Variants in GPT2 observed in about 807,000 individuals in gnomAD.
GPT2 encodes the protein alanine aminotransferase 2.
In GPT2, 30 loss-of-function variants were observed where a neutral mutation model predicts 56.9. The observed-to-expected ratio is 0.53, with a 90% confidence interval of 0.39 to 0.72. GPT2 has a LOEUF of 0.72. Among genes scored for constraint, GPT2 ranks in the 30% least tolerant of loss-of-function variants. The probability of loss-of-function intolerance (pLI) is 0.00; values close to 1 mark genes in which losing one functional copy is unlikely to be tolerated. For synonymous variants in GPT2, 271 were observed against 283.1 expected (o/e 0.96, Z 0.43); for missense variants, 542 against 703.4 (o/e 0.77, Z 2.60).
rs4039999 is a variant in GPT2, at chr16:46,910,380, C to CAAAAAAAA, written c.820+474_820+481dup. On this transcript the variant is annotated intron_variant, in intron 6 of 11. Coordinates refer to ENST00000340124, the MANE Select transcript of GPT2 (RefSeq NM_133443.4). ...TGGGTGACAGAGCGAGACTCTGTCTCAAAAAAAAAAAAAAAAAAAAAAAAA... is the reference window on the plus strand; with the variant it reads ...TGGGTGACAGAGCGAGACTCTGTCTCAAAAAAAAAAAAAAAAAAAAAAAAAAAAAAAAA... 1.6e-3 allele frequency among the ~76,000 whole-genome samples: 74 copies of CAAAAAAAA among 46,478 alleles called. 5 individuals carry two copies. The highest frequency in any genetic ancestry group is 7.2e-3 in the African/African-American group (69 of 9,546). 30.5% of individuals were successfully genotyped at this position (46,478 alleles called of 152,430 possible).
Position 46,906,878 on chromosome 16 carries a change from G to A in GPT2, c.479G>A (p.Arg160His), listed in dbSNP as rs1318112700. The A allele has an allele frequency of 8.7e-6, 14 of 1,614,216 alleles. No individual in the cohort carries two copies. The highest frequency in any genetic ancestry group is 1.1e-5 in the Non-Finnish European group (13 of 1,180,022). ...GCTAGCCAGGGTGTCAACTGCATCC[G>A]TGAAGATGTGGCTGCCTACATCACC... is the stretch of plus-strand genomic sequence containing the variant. ...YSASQGVNCIREDVAAYITRR... is the reference protein window; with the variant it reads ...YSASQGVNCIHEDVAAYITRR... The change falls in exon 5 of 12, where the codon CGT (arginine) becomes CAT (histidine). Residue 160 changes from arginine to histidine, a missense_variant. By Grantham distance (29) the Arg-to-His change is conservative. Coordinates refer to ENST00000340124, the MANE Select transcript of GPT2 (RefSeq NM_133443.4).
chr16:46,891,096 C>T (rs1960576025), intron 2 of GPT2, among the ~76,000 whole-genome samples: 1 of 152,050 alleles, frequency 6.6e-6, no homozygotes, highest in Admixed American at 6.6e-5. Flanking sequence ...GGGTCTCGAC[C>T]TCCCAACCTC....
chr16:46,915,820 C>G (rs1961144211), intron 6 of GPT2: 1 of 150,758 alleles, frequency 6.6e-6, no homozygotes, highest in African/African-American at 2.4e-5. Flanking sequence ...CACACACACC[C>G]CCATCACACC....
chr16:46,889,450 C>G (rs895137336), intron 2 of GPT2, among the ~76,000 whole-genome samples: 1 of 151,680 alleles, frequency 6.6e-6, no homozygotes, highest in Admixed American at 6.6e-5. Flanking sequence ...GATGGGATCT[C>G]GCTTATGTTG....
chr16:46,907,103 C>G, intron 5 of GPT2, 128 bp downstream of exon 5: 1 of 1,240,212 alleles, frequency 8.1e-7, no homozygotes, highest in Non-Finnish European at 1.1e-6. Flanking sequence ...CCTCTGGTCC[C>G]CCAGCCCTGG....
At chr16:46,926,186 C>T (rs1213718608) in intron 10 of GPT2, among the ~76,000 whole-genome samples, 1 of 150,486 alleles carries the variant, frequency 6.6e-6, no homozygotes, top group Non-Finnish European at 1.5e-5. Flanking sequence ...CGGTGGCTCA[C>T]GCCTGTAATC....
In GPT2 at chr16:46,900,821, G is replaced by A. The variant is rs776643513; in HGVS notation, c.442+31G>A. 10 of 1,582,908 alleles carry A rather than the reference G, an allele frequency of 6.3e-6. No individual in the cohort carries two copies. The East Asian group carries it at 6.7e-5, about 11-fold the overall frequency. On this transcript the variant is annotated intron_variant, in intron 4 of 11. Coordinates refer to ENST00000340124, the MANE Select transcript of GPT2 (RefSeq NM_133443.4). Reference sequence around the variant, plus strand: ...GCCCCAACTTGCCAGGCCCCTAGGCGTGAAATGAATGAGTGTTCCCAGGCG... The same window carrying A: ...GCCCCAACTTGCCAGGCCCCTAGGCATGAAATGAATGAGTGTTCCCAGGCG...
rs139236691 is a variant in GPT2, at chr16:46,887,434, C to T, written c.243+2476C>T. Among the ~76,000 whole-genome samples the T allele has an allele frequency of 4.7e-4, 71 of 152,224 alleles. 1 individual carries two copies. The East Asian group carries it at 0.012, about 26-fold the overall frequency. On this transcript the variant is annotated intron_variant, in intron 2 of 11. Transcript: ENST00000340124. Reference sequence around the variant, plus strand: ...AGTGAGCCGAGATGCACTCCAGCCTCGGCAACAGAGCTCAGAGCGAGACTC... The same window carrying T: ...AGTGAGCCGAGATGCACTCCAGCCTTGGCAACAGAGCTCAGAGCGAGACTC...
intron 9 of GPT2, chr16:46,924,185 C>A: frequency 1.5e-6 from 1 of 651,598 alleles, no homozygotes. Flanking sequence ...ACCACCCCAC[C>A]CACTCCGTCT....
At chr16:46,902,784 C>T (rs1172654124) in intron 4 of GPT2, among the ~76,000 whole-genome samples, 2 of 152,066 alleles carry the variant, frequency 1.3e-5, no homozygotes, top group Non-Finnish European at 2.9e-5. Context: ...CGCCACCACG[C>T]CTGGGTAATT....
At chr16:46,910,755 C>T (rs553017526) in intron 6 of GPT2, among the ~76,000 whole-genome samples, 12 of 152,204 alleles carry the variant, frequency 7.9e-5, no homozygotes, top group Non-Finnish European at 1.5e-4. Context: ...CCACCACGCC[C>T]AGCTAATATT....
rs767217716 is a variant in GPT2, at chr16:46,924,403, C to T, written c.1227C>T (p.Val409=). ...FEQFSREKES[V]LGNLAKKAKL... is the part of the protein sequence containing the mutation. ...TCTCTCATCAGGAGAAGGAGTCGGT[C>T]CTGGGTAATCTGGCCAAAAAAGCAA... The change falls in exon 10 of 12, where the codon GTC becomes GTT. Residue 409 remains valine, a synonymous_variant. Coordinates refer to ENST00000340124, the MANE Select transcript of GPT2 (RefSeq NM_133443.4). The T allele has an allele frequency of 3.1e-6, 5 of 1,614,232 alleles. No homozygotes were observed. The East Asian group carries it at 6.7e-5, about 22-fold the overall frequency.
rs755372408 is a variant in GPT2 at position 46,918,616 on chromosome 16, C to T, written c.901-5C>T. Reference sequence around the variant, plus strand: ...TTGGTGACCGTCCCTGCCGTGCCCCCGCAGGTGTACCAGGACAACGTGTAC... The same window carrying T: ...TTGGTGACCGTCCCTGCCGTGCCCCTGCAGGTGTACCAGGACAACGTGTAC... On this transcript the variant is annotated splice_region_variant and splice_polypyrimidine_tract_variant and intron_variant, in intron 7 of 11. Transcript: ENST00000340124. 13 of 1,613,862 alleles carry T rather than the reference C, an allele frequency of 8.1e-6. No individual in the cohort carries two copies. Among genetic ancestry groups the T allele is most frequent in the African/African-American group, 6.7e-5 (5 of 74,914 alleles).
chr16:46,910,402 A>AC (rs1445405921), intron 6 of GPT2, among the ~76,000 whole-genome samples: 2 of 150,130 alleles, frequency 1.3e-5, no homozygotes, highest in East Asian at 1.9e-4. Context: ...AAAAAAAAAA[A>AC]AAAAAACTTA....
At chr16:46,902,974 C>T (rs758021151) in intron 4 of GPT2, among the ~76,000 whole-genome samples, 23 of 151,770 alleles carry the variant, frequency 1.5e-4, no homozygotes, top group Non-Finnish European at 2.9e-4. Context: ...TTGGGCCGGG[C>T]GTGGTGGCTC....
At chr16:46,896,050 TG>T (rs1960680340) in intron 2 of GPT2, among the ~76,000 whole-genome samples, 2 of 152,254 alleles carry the variant, frequency 1.3e-5, no homozygotes, top group Admixed American at 1.3e-4. Flanking sequence ...ACCACCTTGC[TG>T]AGCCCGTTTT....
chr16:46,927,088 A>G (rs1211774682), intron 11 of GPT2, 51 bp downstream of exon 11: 3 of 1,168,856 alleles, frequency 2.6e-6, no homozygotes, highest in Middle Eastern at 2.1e-4. Flanking sequence ...GTCCAGGGAA[A>G]TGTGGACTTC....
In GPT2 at chr16:46,916,720, C is replaced by G; in HGVS notation, c.900+13C>G. The G allele has an allele frequency of 6.3e-7, 1 of 1,590,154 alleles. No homozygotes were observed. The highest frequency in any genetic ancestry group is 8.6e-7 in the Non-Finnish European group (1 of 1,158,364). On this transcript the variant is annotated intron_variant, in intron 7 of 11. Transcript: ENST00000340124. Reference sequence around the variant, plus strand: ...CCTGGCTGATGAGGTAAGAATGTCCCCACTCAGAGGGAGTGGGCACTAGCT... The same window carrying G: ...CCTGGCTGATGAGGTAAGAATGTCCGCACTCAGAGGGAGTGGGCACTAGCT...
intron 3 of GPT2, among the ~76,000 whole-genome samples, chr16:46,898,703 C>G (rs1960735052): frequency 3.3e-5 from 5 of 151,758 alleles, no homozygotes; most frequent in Admixed American, 6.6e-5. Flanking sequence ...GCATGCACCA[C>G]CACGCCTGGC....
Sources: allele counts gnomAD v4.1 joint callset (sites outside exome capture counted in the v4.1 genomes callset), GRCh38; gene constraint gnomAD v4.1.1; transcripts MANE v1.5; gene names NCBI Gene and HGNC (gene_info 2026-07-23, HGNC 2026-07-21).